XKR6: variants seen among roughly 807,000 people sequenced by gnomAD.
XKR6 encodes XK-related protein 6.
A neutral mutation model predicts 56.7 loss-of-function variants in XKR6; 22 were observed. That is an observed-to-expected ratio of 0.39 (90% CI 0.28 to 0.55). XKR6 has a LOEUF of 0.55. Ranked by LOEUF, XKR6 falls within the 20% of genes least tolerant of loss-of-function variation. XKR6 has a pLI of 0.66. For missense variants in XKR6, 852 were observed against 889.0 expected (o/e 0.96, Z 0.53); for synonymous variants, 524 against 387.8 (o/e 1.35, Z -4.13).
chr8:11,194,798 T>C (rs1803781745), intron 1 of XKR6: 4 of 307,654 alleles, frequency 1.3e-5, no homozygotes, highest in East Asian at 7.6e-5. Flanking sequence ...AATGAACAAC[T>C]TGTGACTTCT....
chr8:10,987,808 C>T (rs1009192787), intron 1 of XKR6, among the ~76,000 whole-genome samples: 17 of 152,196 alleles, frequency 1.1e-4, no homozygotes, highest in African/African-American at 4.1e-4. Context: ...CTAGTCTTTC[C>T]CAAATGGCCT....
rs569071029 is a variant in XKR6 at position 11,143,965 on chromosome 8, T to C, written c.764+56611A>G. On this transcript the variant is annotated intron_variant, in intron 1 of 2. Transcript: ENST00000416569. Reference sequence around the variant, plus strand: ...CACAAACAGCCACCTTCTCCCTTTGTCCTCACAGGGCCTTTCCTCTGTGCA... The same window carrying C: ...CACAAACAGCCACCTTCTCCCTTTGCCCTCACAGGGCCTTTCCTCTGTGCA... 6.6e-5 allele frequency among the ~76,000 whole-genome samples: 10 copies of C among 152,288 alleles called. No individual in the cohort carries two copies. The South Asian group carries it at 1.9e-3, about 28-fold the overall frequency.
chr8:11,043,926 A>C (rs1799346139), intron 1 of XKR6, among the ~76,000 whole-genome samples: 1 of 152,258 alleles, frequency 6.6e-6, no homozygotes, highest in Non-Finnish European at 1.5e-5. Flanking sequence ...AGTCAGGCAC[A>C]CCTACACTTA....
At position 11,041,218 on chromosome 8, in the gene XKR6, A is replaced by T. The variant is rs564294164; in HGVS notation, c.765-116388T>A. Reference sequence around the variant, plus strand: ...TTATAAAAACTTGGATGATGCTTGTAACAGAGCATTAAGGGAAAACAAGCA... The same window carrying T: ...TTATAAAAACTTGGATGATGCTTGTTACAGAGCATTAAGGGAAAACAAGCA... On this transcript the variant is annotated intron_variant, in intron 1 of 2. Coordinates refer to ENST00000416569, the MANE Select transcript of XKR6 (RefSeq NM_173683.4). 7.9e-5 allele frequency among the ~76,000 whole-genome samples: 12 copies of T among 152,262 alleles called. No homozygotes were observed. In the East Asian group the frequency reaches 2.1e-3, roughly 27 times the overall value.
intron 1 of XKR6, chr8:11,195,019 A>C: frequency 1.7e-6 from 1 of 601,090 alleles, no homozygotes; most frequent in Non-Finnish European, 3.0e-6. Context: ...ACAAGAAATA[A>C]ATCTTTAGAG....
intron 1 of XKR6, chr8:11,105,458 T>C (rs148636067): frequency 6.6e-6 from 1 of 152,302 alleles, no homozygotes; most frequent in Non-Finnish European, 1.5e-5. Flanking sequence ...CCCTTGATCT[T>C]GGCTTCAGGT....
intron 1 of XKR6, among the ~76,000 whole-genome samples, chr8:11,021,933 G>C (rs554672223): frequency 6.6e-6 from 1 of 151,528 alleles, no homozygotes; most frequent in Non-Finnish European, 1.5e-5. Flanking sequence ...TTGCTGGCTG[G>C]TACCAGCTGC....
At chr8:10,974,219 G>A (rs1286412262) in intron 1 of XKR6, among the ~76,000 whole-genome samples, 1 of 152,216 alleles carries the variant, frequency 6.6e-6, no homozygotes, top group African/African-American at 2.4e-5. Context: ...CATGTTAGCT[G>A]TAAGCGAACA....
chr8:11,035,187 G>A, intron 1 of XKR6: 1 of 534,782 alleles, frequency 1.9e-6, no homozygotes, highest in Non-Finnish European at 3.8e-6. Flanking sequence ...CAGCGTGGGT[G>A]CAAGCTATCT....
At chr8:10,942,103 A>C (rs1015702483) in intron 1 of XKR6, among the ~76,000 whole-genome samples, 1 of 152,110 alleles carries the variant, frequency 6.6e-6, no homozygotes, top group Admixed American at 6.6e-5. Context: ...CAGGTGCACT[A>C]TCTCACACAT....
chr8:10,903,790 GCT>G (rs1389571558), intron 2 of XKR6, among the ~76,000 whole-genome samples: 11 of 152,158 alleles, frequency 7.2e-5, no homozygotes, highest in African/African-American at 2.7e-4. Flanking sequence ...GATCTGCAGT[GCT>G]CTGTGACCGC....
chr8:11,188,149 GA>G (rs1563205122), intron 1 of XKR6, among the ~76,000 whole-genome samples: 1 of 152,040 alleles, frequency 6.6e-6, no homozygotes, highest in African/African-American at 2.4e-5. Context: ...ATAGTGAGTT[GA>G]AATGCCAAGC....
At chr8:10,965,368 G>A (rs1161678673) in intron 1 of XKR6, among the ~76,000 whole-genome samples, 3 of 152,188 alleles carry the variant, frequency 2.0e-5, no homozygotes, top group East Asian at 3.9e-4. Context: ...GGTCCCCCAG[G>A]GATCTGGGGG....
intron 1 of XKR6, among the ~76,000 whole-genome samples, chr8:10,987,552 G>T (rs1168697361): frequency 6.6e-6 from 1 of 152,084 alleles, no homozygotes; most frequent in Non-Finnish European, 1.5e-5. Context: ...CTCTCACCTG[G>T]ATTACTGCTG....
chr8:10,898,562 C>T lies in XKR6; in HGVS notation c.1316G>A (p.Arg439Gln), dbSNP rs768950951. The T allele has an allele frequency of 1.2e-6, 2 of 1,614,100 alleles. No individual in the cohort carries two copies. The highest frequency in any genetic ancestry group is 1.1e-5 in the South Asian group (1 of 91,076). The change falls in exon 3 of 3, where the codon CGA becomes CAA. Residue 439 changes from arginine (R) to glutamine (Q), a missense_variant. Physicochemically the swap from Arg to Gln is conservative, Grantham distance 43. Coordinates refer to ENST00000416569, the MANE Select transcript of XKR6 (RefSeq NM_173683.4). This position sits in a 1 kb window ranked among gnomAD's most constrained non-coding sequence, Gnocchi z 6.6. ...CWFNVKEGRT[R>Q]YRMFAYYTIV... ...CGTATAATATGCAAACATTCGATAT[C>T]GAGTCCGCCCTTCCTTGACGTTAAA...
At chr8:11,048,054 T>A (rs982651081) in intron 1 of XKR6, among the ~76,000 whole-genome samples, 2 of 152,108 alleles carry the variant, frequency 1.3e-5, no homozygotes, top group African/African-American at 4.8e-5. Context: ...CTCCACCTCT[T>A]TAGCAACCCA....
chr8:11,056,202 G>T (rs1170189571), intron 1 of XKR6, among the ~76,000 whole-genome samples: 2 of 152,164 alleles, frequency 1.3e-5, no homozygotes, highest in African/African-American at 2.4e-5. Context: ...CCCCAGACTG[G>T]GAGGCAGAAG....
chr8:11,131,084 T>C (rs1800081919), intron 1 of XKR6, among the ~76,000 whole-genome samples: 2 of 152,148 alleles, frequency 1.3e-5, no homozygotes, highest in African/African-American at 4.8e-5. Flanking sequence ...CTGTGGATGG[T>C]AATCCTTGTT....
chr8:10,922,002 C>A (rs996015494), intron 2 of XKR6, among the ~76,000 whole-genome samples: 4 of 152,204 alleles, frequency 2.6e-5, no homozygotes, highest in Non-Finnish European at 5.9e-5. Flanking sequence ...CTTCATACAG[C>A]ATGCAGCTAG....
Sources: allele counts gnomAD v4.1 joint callset (sites outside exome capture counted in the v4.1 genomes callset), GRCh38; gene constraint gnomAD v4.1.1; non-coding constraint Gnocchi (gnomAD v3.1); transcripts MANE v1.5; gene names NCBI Gene and HGNC (gene_info 2026-07-23, HGNC 2026-07-21).